GPLD1: variants seen among roughly 807,000 people sequenced by gnomAD.
GPLD1 encodes glycosylphosphatidylinositol specific phospholipase D1, also known as phosphatidylinositol-glycan-specific phospholipase D.
Under a neutral mutation model 112.6 loss-of-function variants are expected in GPLD1, and 84 were observed. The observed-to-expected ratio is 0.75, with a 90% CI of 0.63 to 0.89. The LOEUF (loss-of-function observed/expected upper bound fraction) is 0.89. Ranked by LOEUF, GPLD1 falls within the 40% of genes least tolerant of loss-of-function variation. The pLI is 0.00. For missense variants in GPLD1, 1,044 were observed against 1,051.5 expected (o/e 0.99, Z 0.10); for synonymous variants, 386 against 403.8 (o/e 0.96, Z 0.53).
Position 24,454,207 on chromosome 6 carries a change from G to T in GPLD1, c.1149-6C>A. The T allele has an allele frequency of 6.2e-7, 1 of 1,602,788 alleles. No individual in the cohort carries two copies. Among genetic ancestry groups the T allele is most frequent in the South Asian group, 1.1e-5 (1 of 89,632 alleles). On this transcript the variant is annotated splice_polypyrimidine_tract_variant and splice_region_variant and intron_variant, in intron 13 of 24. Transcript: ENST00000230036. ...GGTCAGCTGAGGTCATTGCCCTTAG[G>T]GAAGTGAAGGGACCCACCATGGTAT... is the stretch of plus-strand genomic sequence containing the variant.
At chr6:24,457,282 C>T (rs571594310) in intron 12 of GPLD1, among the ~76,000 whole-genome samples, 22 of 152,204 alleles carry the variant, frequency 1.4e-4, no homozygotes, top group Admixed American at 7.9e-4. Context: ...GAGTTTGAGA[C>T]CAGCCTGGGC....
intron 24 of GPLD1, among the ~76,000 whole-genome samples, chr6:24,429,884 C>T (rs1229098237): frequency 1.3e-5 from 2 of 152,136 alleles, no homozygotes; most frequent in Non-Finnish European, 2.9e-5. Flanking sequence ...CTTCATACTC[C>T]GAGGTCGGAT....
At position 24,462,900 on chromosome 6, in the gene GPLD1, T is replaced by A. The variant is rs569520256; in HGVS notation, c.822-105A>T. The A allele has an allele frequency of 3.6e-6, 3 of 843,190 alleles. No homozygotes were observed. The South Asian group carries it at 4.3e-5, about 12-fold the overall frequency. 52.2% of individuals were successfully genotyped at this position (843,190 alleles called of 1,614,324 possible). On this transcript the variant is annotated intron_variant, in intron 10 of 24. Coordinates refer to ENST00000230036, the MANE Select transcript of GPLD1 (RefSeq NM_001503.4). ...TCAATCATCTCCCAAAGGCTTAAAG[T>A]GTTTATTACCTAGCCATACAGGACT...
intron 2 of GPLD1, among the ~76,000 whole-genome samples, chr6:24,480,257 C>T (rs115870427): frequency 0.01 from 1,590 of 152,246 alleles, 27 homozygotes; most frequent in African/African-American, 0.035. Context: ...TCTGTCAATC[C>T]AGTAAAGCAG....
chr6:24,493,979 G>A (rs1437611678), upstream of GPLD1, among the ~76,000 whole-genome samples: 1 of 152,222 alleles, frequency 6.6e-6, no homozygotes. Context: ...TAGGTTTTAA[G>A]CTTCCCTGCT....
chr6:24,458,418 G>A (rs1763332895), intron 12 of GPLD1, among the ~76,000 whole-genome samples: 1 of 152,154 alleles, frequency 6.6e-6, no homozygotes, highest in East Asian at 1.9e-4. Flanking sequence ...CAGACACTGG[G>A]AACATAAAGT....
At chr6:24,437,910 A>G (rs980824389) in intron 20 of GPLD1, among the ~76,000 whole-genome samples, 1 of 152,100 alleles carries the variant, frequency 6.6e-6, no homozygotes, top group African/African-American at 2.4e-5. Flanking sequence ...TGGTCTAGAG[A>G]AGAGGCCGCT....
chr6:24,479,925 C>G lies in GPLD1; in HGVS notation c.188G>C (p.Gly63Ala). The change falls in exon 3 of 25, where the codon GGA (glycine) becomes GCA (alanine). Residue 63 changes from glycine to alanine, a missense_variant. Transcript: ENST00000230036. ...LLEHQDAYQA[G>A]IVFPDCFYPS... Reference sequence around the variant, plus strand: ...GTAAAAACAATCAGGAAACACGATTCCAGCCTGATACGCATCCTGGTGTTC... The same window carrying G: ...GTAAAAACAATCAGGAAACACGATTGCAGCCTGATACGCATCCTGGTGTTC... 6.2e-7 allele frequency: 1 copy of G among 1,611,290 alleles called. No homozygotes were observed. The highest frequency in any genetic ancestry group is 8.5e-7 in the Non-Finnish European group (1 of 1,177,476).
exon 1 of GPLD1, chr6:24,495,075 C>A (rs779798309): frequency 2.3e-6 from 3 of 1,323,682 alleles, no homozygotes; most frequent in African/African-American, 1.5e-5. Context: ...CCTCCGCCCC[C>A]GCGCCGGCGG....
chr6:24,456,735 G>A, intron 12 of GPLD1, 98 bp from the exon 13 acceptor site: 3 of 759,528 alleles, frequency 3.9e-6, no homozygotes, highest in Non-Finnish European at 6.3e-6. Context: ...TAAAGGAAAT[G>A]AGTTTTTAGA....
intron 1 of GPLD1, chr6:24,494,916 C>T (rs980355010): frequency 4.0e-6 from 5 of 1,241,046 alleles, no homozygotes; most frequent in African/African-American, 3.1e-5. Flanking sequence ...CCTCCTCGCT[C>T]CTCTTGCTTC....
At position 24,445,574 on chromosome 6, in the gene GPLD1, T is replaced by A. The variant is rs1062513; in HGVS notation, c.1992A>T (p.Gln664His). Residue 664 changes from glutamine (Q) to histidine (H), a missense_variant, in exon 20 of 25, where the codon CAA becomes CAT. By Grantham distance (24) the Gln-to-His change is conservative. Coordinates refer to ENST00000230036, the MANE Select transcript of GPLD1 (RefSeq NM_001503.4). ...ACGTAGGGGCTCCAACCAGCAGCACTTGTTTCAGAGTCCCATTCATCAGTA... is the reference window on the plus strand; with the variant it reads ...ACGTAGGGGCTCCAACCAGCAGCACATGTTTCAGAGTCCCATTCATCAGTA... Reference protein sequence around the residue: ...GHVLMNGTLKQVLLVGAPTYD... With the variant: ...GHVLMNGTLKHVLLVGAPTYD... The A allele has an allele frequency of 1.2e-6, 2 of 1,613,762 alleles. No homozygotes were observed. The highest frequency in any genetic ancestry group is 1.7e-6 in the Non-Finnish European group (2 of 1,179,808).
rs894826766 is a variant in GPLD1, at chr6:24,426,829, C to T, written c.*2203G>A. On this transcript the variant is annotated 3_prime_UTR_variant, in exon 25 of 25. Coordinates refer to ENST00000230036, the MANE Select transcript of GPLD1 (RefSeq NM_001503.4). ...TGGGCTACCAATAATTGTCCCTAAACAAAACCAAATGGCGCTTCCTTGTGC... is the reference window on the plus strand; with the variant it reads ...TGGGCTACCAATAATTGTCCCTAAATAAAACCAAATGGCGCTTCCTTGTGC... 2.0e-5 allele frequency among the ~76,000 whole-genome samples: 3 copies of T among 152,172 alleles called. No homozygotes were observed. The highest frequency in any genetic ancestry group is 4.4e-5 in the Non-Finnish European group (3 of 68,026).
intron 22 of GPLD1, among the ~76,000 whole-genome samples, chr6:24,434,275 G>C (rs1762500526): frequency 6.6e-6 from 1 of 151,930 alleles, no homozygotes; most frequent in Non-Finnish European, 1.5e-5. Flanking sequence ...GTGTGCGCCT[G>C]TAGTCCCAGC....
intron 3 of GPLD1, among the ~76,000 whole-genome samples, chr6:24,476,840 A>G (rs1764035577): frequency 6.6e-6 from 1 of 152,114 alleles, no homozygotes; most frequent in African/African-American, 2.4e-5. Flanking sequence ...TATTCCCACA[A>G]GAGGGGTAGG....
chr6:24,437,335 T>TTACAGAACA (rs1762611837), intron 20 of GPLD1, 46 bp from the exon 21 acceptor site: 1 of 1,566,806 alleles, frequency 6.4e-7, no homozygotes, highest in Admixed American at 1.7e-5. Flanking sequence ...AAGGAAGGCA[T>TTACAGAACA]TACAGAACAC....
At position 24,445,813 on chromosome 6, in the gene GPLD1, G is replaced by A; in HGVS notation, c.1839C>T (p.His613=). Residue 613 remains histidine (H), a synonymous_variant, in exon 19 of 25, where the codon CAC becomes CAT. Transcript: ENST00000230036. ...KNASRLGHLL[H]IRDEKKSLGR... is the part of the protein sequence containing the mutation. ...CAAGGCTCTTTTTCTCATCTCGGAT[G>A]TGTAACAAATGGCCCAGCCTAGAAT... The A allele has an allele frequency of 6.2e-7, 1 of 1,612,976 alleles. No homozygotes were observed. The highest frequency in any genetic ancestry group is 1.1e-5 in the South Asian group (1 of 91,052).
intron 1 of GPLD1, chr6:24,494,807 G>T: frequency 1.7e-6 from 1 of 592,050 alleles, no homozygotes; most frequent in Non-Finnish European, 2.4e-6. Flanking sequence ...TGCAGAGGGC[G>T]GCGCGGCGGT....
chr6:24,429,313 G>A (rs527881073), intron 24 of GPLD1, among the ~76,000 whole-genome samples, 195 bp from the exon 25 acceptor site: 3 of 152,290 alleles, frequency 2.0e-5, no homozygotes, highest in Admixed American at 6.5e-5. Flanking sequence ...TCTGAAAACC[G>A]CAGCTAAGGA....
Sources: gnomAD v4.1 joint callset for allele counts (sites outside exome capture counted in the v4.1 genomes callset) on GRCh38, gnomAD v4.1.1 for gene constraint, MANE v1.5 for transcripts, NCBI Gene and HGNC (gene_info 2026-07-23, HGNC 2026-07-21) for gene names.